JAZF1: variants seen among roughly 807,000 people sequenced by gnomAD.
JAZF1 encodes the protein juxtaposed with another zinc finger protein 1.
In JAZF1, 8 loss-of-function variants were observed where a neutral mutation model predicts 26.4. The observed-to-expected ratio is 0.30, with a 90% confidence interval of 0.18 to 0.55. JAZF1 has a LOEUF of 0.55. JAZF1 is among the 20% of genes least tolerant of loss of function. The pLI is 0.94. For synonymous variants in JAZF1, 126 were observed against 122.3 expected (o/e 1.03, Z -0.20); for missense variants, 199 against 322.0 (o/e 0.62, Z 2.92).
chr7:27,941,905 G>T (rs56901033), intron 2 of JAZF1, among the ~76,000 whole-genome samples: 15,381 of 152,136 alleles, frequency 0.1, 1,686 homozygotes, highest in East Asian at 0.41. Context: ...AGGGGGAGGG[G>T]ACAGGCAAGG....
intron 1 of JAZF1, among the ~76,000 whole-genome samples, chr7:28,101,904 G>A (rs994852613): frequency 6.6e-6 from 1 of 152,000 alleles, no homozygotes; most frequent in Non-Finnish European, 1.5e-5. Flanking sequence ...GGATCAATAC[G>A]GCATGGGATG....
intron 1 of JAZF1, among the ~76,000 whole-genome samples, chr7:27,998,702 C>A (rs1010874144): frequency 6.6e-6 from 1 of 152,194 alleles, no homozygotes; most frequent in East Asian, 1.9e-4. Flanking sequence ...GGACACTGTG[C>A]AGCACAATAA....
intron 1 of JAZF1, among the ~76,000 whole-genome samples, chr7:28,105,972 G>A (rs1016314457): frequency 6.6e-6 from 1 of 152,162 alleles, no homozygotes; most frequent in African/African-American, 2.4e-5. Context: ...AGAAAAATGA[G>A]GTAGCATGGG....
intron 1 of JAZF1, among the ~76,000 whole-genome samples, chr7:28,061,718 G>A (rs1036682396): frequency 2.6e-5 from 4 of 152,124 alleles, no homozygotes; most frequent in East Asian, 3.8e-4. Flanking sequence ...CAGAATGGCC[G>A]TATTTACAAT....
At chr7:27,928,539 A>T (rs1332190926) in intron 2 of JAZF1, among the ~76,000 whole-genome samples, 8 of 152,196 alleles carry the variant, frequency 5.3e-5, no homozygotes. Flanking sequence ...GCTCTAAAGG[A>T]CACTAATTCT....
chr7:27,899,656 A>AACTCCTGC (rs1784133985), intron 2 of JAZF1, among the ~76,000 whole-genome samples: 1 of 152,004 alleles, frequency 6.6e-6, no homozygotes, highest in African/African-American at 2.4e-5. Flanking sequence ...GCTGGTTTCA[A>AACTCCTGC]ACTCCTGGGC....
At chr7:28,059,642 G>C (rs17156307) in intron 1 of JAZF1, among the ~76,000 whole-genome samples, 1 of 151,814 alleles carries the variant, frequency 6.6e-6, no homozygotes, top group Non-Finnish European at 1.5e-5. Flanking sequence ...CTCAAAGTAC[G>C]TATTTTAGAA....
intron 1 of JAZF1, among the ~76,000 whole-genome samples, chr7:28,146,634 G>A (rs1013742041): frequency 2.0e-5 from 3 of 152,168 alleles, no homozygotes; most frequent in Non-Finnish European, 4.4e-5. Flanking sequence ...GTTGTCCTCA[G>A]GGATGGCAGA....
At chr7:28,155,089 A>G (rs540463849) in intron 1 of JAZF1, among the ~76,000 whole-genome samples, 16 of 152,170 alleles carry the variant, frequency 1.1e-4, no homozygotes, top group Non-Finnish European at 2.2e-4. Context: ...CCACTCTGCA[A>G]TCACATCAGT....
intron 2 of JAZF1, among the ~76,000 whole-genome samples, chr7:27,904,770 A>G (rs1784222816): frequency 6.6e-6 from 1 of 152,206 alleles, no homozygotes; most frequent in African/African-American, 2.4e-5. Context: ...TGATCAGATC[A>G]GTTTGGCACT....
intron 2 of JAZF1, 55 bp from the exon 3 acceptor site, chr7:27,895,471 G>GAT: frequency 7.7e-7 from 1 of 1,306,376 alleles, no homozygotes; most frequent in Non-Finnish European, 1.0e-6. Context: ...CATGAGGACT[G>GAT]ATGACATTTA....
intron 3 of JAZF1, among the ~76,000 whole-genome samples, chr7:27,856,042 T>G (rs1009374328): frequency 2.6e-5 from 4 of 152,240 alleles, no homozygotes; most frequent in African/African-American, 4.8e-5. Context: ...ATCCCTGGGA[T>G]GCAAGTGTGT....
chr7:28,076,769 A>G (rs1245009589), intron 1 of JAZF1, among the ~76,000 whole-genome samples: 2 of 151,938 alleles, frequency 1.3e-5, no homozygotes, highest in Non-Finnish European at 2.9e-5. Context: ...TTCCTTACAG[A>G]TGTTTCCATA....
At chr7:28,068,159 C>G (rs1182650655) in intron 1 of JAZF1, among the ~76,000 whole-genome samples, 2 of 151,984 alleles carry the variant, frequency 1.3e-5, no homozygotes, top group Admixed American at 6.6e-5. Flanking sequence ...AGATGATCTG[C>G]CCACCTCGGC....
At chr7:27,867,661 T>A (rs532628398) in intron 3 of JAZF1, among the ~76,000 whole-genome samples, 1 of 152,228 alleles carries the variant, frequency 6.6e-6, no homozygotes, top group African/African-American at 2.4e-5. Context: ...ACATAAGCGA[T>A]TGGGAGAAAC....
intron 1 of JAZF1, among the ~76,000 whole-genome samples, chr7:28,169,993 G>A (rs978392381): frequency 6.6e-6 from 1 of 152,190 alleles, no homozygotes; most frequent in African/African-American, 2.4e-5. Context: ...TGCCTTCTCT[G>A]TGGATGGCAC....
chr7:28,093,411 C>A (rs1175764883), intron 1 of JAZF1, among the ~76,000 whole-genome samples: 1 of 152,196 alleles, frequency 6.6e-6, no homozygotes, highest in Non-Finnish European at 1.5e-5. Context: ...CTACACGGAA[C>A]TGTGAGTCCA....
chr7:28,127,465 C>A (rs1782715836), intron 1 of JAZF1, among the ~76,000 whole-genome samples: 1 of 152,066 alleles, frequency 6.6e-6, no homozygotes, highest in Non-Finnish European at 1.5e-5. Flanking sequence ...GACTGGAAAA[C>A]ACAAACCTTC....
At chr7:27,866,632 T>C (rs1339503340) in intron 3 of JAZF1, among the ~76,000 whole-genome samples, 1 of 152,234 alleles carries the variant, frequency 6.6e-6, no homozygotes, top group Non-Finnish European at 1.5e-5. Flanking sequence ...ATGTCTGGAT[T>C]TGAACAACGA....
Sources: allele counts gnomAD v4.1 joint callset (sites outside exome capture counted in the v4.1 genomes callset), GRCh38; gene constraint gnomAD v4.1.1; transcripts MANE v1.5; gene names NCBI Gene and HGNC (gene_info 2026-07-23, HGNC 2026-07-21).